The following NKAIN2 variants were observed in gnomAD, a reference collection of about 807,000 sequenced individuals.
NKAIN2 encodes the protein sodium/potassium transporting ATPase interacting 2, also known as sodium/potassium-transporting ATPase subunit beta-1-interacting protein 2.
A neutral mutation model predicts 32.6 loss-of-function variants in NKAIN2; 14 were observed. That is an observed-to-expected ratio of 0.43 (90% confidence interval 0.28 to 0.67). The LOEUF is 0.67. NKAIN2 is among the 30% of genes least tolerant of loss of function. The pLI is 0.17. For synonymous variants in NKAIN2, 80 were observed against 87.2 expected (o/e 0.92, Z 0.46); for missense variants, 198 against 258.3 (o/e 0.77, Z 1.60).
At chr6:124,393,988 C>G (rs904470725) in intron 3 of NKAIN2, among the ~76,000 whole-genome samples, 1 of 152,090 alleles carries the variant, frequency 6.6e-6, no homozygotes, top group Non-Finnish European at 1.5e-5. Flanking sequence ...AGAGTTGAAT[C>G]CCAGACTTAT....
At chr6:123,909,907 A>T (rs9401710) in intron 1 of NKAIN2, among the ~76,000 whole-genome samples, 1 of 152,206 alleles carries the variant, frequency 6.6e-6, no homozygotes, top group Non-Finnish European at 1.5e-5. Flanking sequence ...TGCTTAAAAA[A>T]TGAGTAACTC....
chr6:123,984,011 G>A (rs1404247338), intron 1 of NKAIN2, among the ~76,000 whole-genome samples: 12 of 151,922 alleles, frequency 7.9e-5, no homozygotes, highest in Admixed American at 1.3e-4. Flanking sequence ...AGGTTCAAGC[G>A]GTTCTCCTGC....
At chr6:124,357,577 T>A (rs1799046378) in intron 3 of NKAIN2, among the ~76,000 whole-genome samples, 1 of 152,118 alleles carries the variant, frequency 6.6e-6, no homozygotes, top group African/African-American at 2.4e-5. Flanking sequence ...ATCAGTTAGT[T>A]TGAGGCTGAG....
At chr6:124,228,445 A>G (rs1417977035) in intron 1 of NKAIN2, among the ~76,000 whole-genome samples, 1 of 152,162 alleles carries the variant, frequency 6.6e-6, no homozygotes, top group Non-Finnish European at 1.5e-5. Flanking sequence ...CTTGTTTGTA[A>G]GGCATCCAGG....
At chr6:123,924,347 T>G (rs1562260502) in intron 1 of NKAIN2, among the ~76,000 whole-genome samples, 1 of 152,218 alleles carries the variant, frequency 6.6e-6, no homozygotes, top group Non-Finnish European at 1.5e-5. Context: ...CATATATATG[T>G]ATAGAATGTT....
At chr6:124,222,190 A>C (rs1005335811) in intron 1 of NKAIN2, among the ~76,000 whole-genome samples, 1 of 152,190 alleles carries the variant, frequency 6.6e-6, no homozygotes. Context: ...ACTGGATGTT[A>C]AGGGGTGAAT....
chr6:124,360,199 T>A (rs936103884), intron 3 of NKAIN2, among the ~76,000 whole-genome samples: 1 of 152,170 alleles, frequency 6.6e-6, no homozygotes, highest in Non-Finnish European at 1.5e-5. Flanking sequence ...GGATTTTTCA[T>A]CGATGTTCAT....
At chr6:123,829,747 T>C (rs868232062) in intron 1 of NKAIN2, among the ~76,000 whole-genome samples, 1 of 152,164 alleles carries the variant, frequency 6.6e-6, no homozygotes, top group African/African-American at 2.4e-5. Context: ...AGTCAAGCAC[T>C]AATCCTTGGC....
intron 2 of NKAIN2, among the ~76,000 whole-genome samples, chr6:124,307,916 GT>G (rs1419318055): frequency 4.1e-4 from 62 of 152,192 alleles, no homozygotes; most frequent in African/African-American, 1.5e-3. Context: ...TGATAAAAAT[GT>G]ATTATTAATC....
At chr6:124,403,708 CA>C (rs1455829455) in intron 3 of NKAIN2, among the ~76,000 whole-genome samples, 16 of 152,066 alleles carry the variant, frequency 1.1e-4, no homozygotes, top group African/African-American at 3.9e-4. Flanking sequence ...GGAGAGAAAT[CA>C]AAAACAGATA....
chr6:124,353,933 T>C (rs895094880), intron 2 of NKAIN2, among the ~76,000 whole-genome samples: 6 of 152,172 alleles, frequency 3.9e-5, no homozygotes, highest in African/African-American at 1.4e-4. Flanking sequence ...AAATTAAAGA[T>C]GTTGGAACTC....
chr6:124,678,043 C>A (rs1450306321), intron 4 of NKAIN2, among the ~76,000 whole-genome samples: 1 of 152,010 alleles, frequency 6.6e-6, no homozygotes, highest in Non-Finnish European at 1.5e-5. Flanking sequence ...TATCCCACTC[C>A]CTTCTGAGTT....
intron 2 of NKAIN2, among the ~76,000 whole-genome samples, chr6:124,349,723 G>A (rs537694230): frequency 2.3e-4 from 35 of 152,066 alleles, no homozygotes; most frequent in Non-Finnish European, 4.1e-4. Flanking sequence ...ATATAATAGG[G>A]CCATGTCTCT....
intron 1 of NKAIN2, among the ~76,000 whole-genome samples, chr6:124,231,119 C>T (rs1454448289): frequency 2.0e-5 from 3 of 152,222 alleles, no homozygotes; most frequent in Non-Finnish European, 2.9e-5. Flanking sequence ...GGATGTGAGA[C>T]ACGGTGTCAA....
At chr6:124,708,680 A>G (rs1312978046) in intron 4 of NKAIN2, among the ~76,000 whole-genome samples, 1 of 152,050 alleles carries the variant, frequency 6.6e-6, no homozygotes, top group Non-Finnish European at 1.5e-5. Context: ...ATTTTTGTAC[A>G]TTGATTTTGT....
At chr6:124,791,049 A>G (rs1468647651) in intron 4 of NKAIN2, among the ~76,000 whole-genome samples, 1 of 152,206 alleles carries the variant, frequency 6.6e-6, no homozygotes, top group Non-Finnish European at 1.5e-5. Flanking sequence ...GTGAATGGTT[A>G]TAAGTCTTTT....
intron 1 of NKAIN2, among the ~76,000 whole-genome samples, chr6:123,941,015 C>T (rs112281669): frequency 2.0e-4 from 30 of 151,784 alleles, no homozygotes; most frequent in African/African-American, 6.8e-4. Flanking sequence ...AATTTATAAG[C>T]GTTTTGCTAT....
At chr6:124,583,067 G>A (rs1411105586) in intron 3 of NKAIN2, among the ~76,000 whole-genome samples, 4 of 151,906 alleles carry the variant, frequency 2.6e-5, no homozygotes, top group Non-Finnish European at 5.9e-5. Flanking sequence ...AAAATAACAA[G>A]AATATCCATT....
chr6:124,823,267 A>G lies in NKAIN2; in HGVS notation c.*38A>G, dbSNP rs760863930. The G allele has an allele frequency of 1.3e-5, 20 of 1,536,844 alleles. No individual in the cohort carries two copies. Among genetic ancestry groups the G allele is most frequent in the Non-Finnish European group, 1.4e-5 (15 of 1,109,084 alleles). ...CAGTATGTCAGCCCATGGACCTTTC[A>G]AAGAACTTTTTTCGCAGTGGCCTCC... On this transcript the variant is annotated 3_prime_UTR_variant, in exon 7 of 7. Transcript: ENST00000368417.
Sources: gnomAD v4.1 joint callset for allele counts (sites outside exome capture counted in the v4.1 genomes callset) on GRCh38, gnomAD v4.1.1 for gene constraint, MANE v1.5 for transcripts, NCBI Gene and HGNC (gene_info 2026-07-23, HGNC 2026-07-21) for gene names.